The following CSAD variants were observed in gnomAD, a reference collection of about 807,000 sequenced individuals.
The protein encoded by CSAD is cysteine sulfinic acid decarboxylase.
In CSAD, 47 loss-of-function variants were observed where a neutral mutation model predicts 61.5. The ratio of observed to expected loss-of-function variants is 0.76; its 90% CI spans 0.60 to 0.97. The LOEUF (loss-of-function observed/expected upper bound fraction) is 0.97. Ranked by LOEUF, CSAD falls within the 50% of genes least tolerant of loss-of-function variation. The pLI, the probability that CSAD is intolerant of heterozygous loss-of-function variation, is 0.00. For missense variants in CSAD, 611 were observed against 643.6 expected (o/e 0.95, Z 0.55); for synonymous variants, 245 against 252.7 (o/e 0.97, Z 0.29).
chr12:53,180,630 C>G, intron 1 of CSAD, 102 bp downstream of exon 1: 2 of 1,283,704 alleles, frequency 1.6e-6, no homozygotes, highest in Non-Finnish European at 1.0e-6. Flanking sequence ...GCTAGTCTAG[C>G]TGCCGAGCCC....
chr12:53,179,855 C>T, intron 1 of CSAD: 1 of 1,613,242 alleles, frequency 6.2e-7, no homozygotes, highest in Non-Finnish European at 8.5e-7. Flanking sequence ...CAGGACCTCT[C>T]TCTAATGGCT....
intron 2 of CSAD, among the ~76,000 whole-genome samples, chr12:53,175,795 G>A (rs1375681389): frequency 6.6e-6 from 1 of 152,198 alleles, no homozygotes; most frequent in African/African-American, 2.4e-5. Flanking sequence ...GATTTGCAAA[G>A]GGTGTTTTTC....
Position 53,180,925 on chromosome 12 carries a change from G to T in CSAD, c.-284C>A. The T allele has an allele frequency of 9.2e-7, 1 of 1,086,698 alleles. No homozygotes were observed. Among genetic ancestry groups the T allele is most frequent in the Non-Finnish European group, 1.1e-6 (1 of 880,558 alleles). The allele number at this position is 1,086,698 out of a possible 1,614,324, so 67.3% of individuals were successfully genotyped here. On this transcript the variant is annotated 5_prime_UTR_variant, in exon 1 of 17. Coordinates refer to ENST00000444623, the MANE Select transcript of CSAD (RefSeq NM_001244705.2). ...CAAGCCGTGGGGTGCCGCGCGGGAA[G>T]GGGGAGGGGAGGGGAGGAGGGGCGC... is the stretch of plus-strand genomic sequence containing the variant.
In CSAD at chr12:53,170,485, CTGGA is replaced by C; in HGVS notation, c.581_584del (p.Ile194ArgfsTer56). ...CAAGTCCCAGAAACGCAGCTCCCTT[CTGGA>C]TGGAGTAGTGACACTGTGGGGGAAG... On this transcript the variant is annotated frameshift_variant, in exon 9 of 17. Transcript: ENST00000444623. LOFTEE classifies it high-confidence loss of function. 3 of 1,614,084 alleles carry C rather than the reference CTGGA, an allele frequency of 1.9e-6. No homozygotes were observed. The highest frequency in any genetic ancestry group is 2.5e-6 in the Non-Finnish European group (3 of 1,180,002).
intron 3 of CSAD, 51 bp downstream of exon 3, chr12:53,173,677 G>C: frequency 6.8e-7 from 1 of 1,466,300 alleles, no homozygotes; most frequent in Non-Finnish European, 9.5e-7. Flanking sequence ...AGTCAGTGCT[G>C]AGCAAGTGGA....
intron 2 of CSAD, among the ~76,000 whole-genome samples, chr12:53,178,651 C>T (rs1042874541): frequency 2.0e-5 from 3 of 151,974 alleles, no homozygotes; most frequent in African/African-American, 7.3e-5. Context: ...AAAAATTAGC[C>T]GGGCTGGCAG....
chr12:53,165,201 T>A, intron 10 of CSAD, among the ~76,000 whole-genome samples: 1 of 151,908 alleles, frequency 6.6e-6, no homozygotes, highest in Non-Finnish European at 1.5e-5. Flanking sequence ...ATTGGCCAAG[T>A]GTGGCAGCCT....
rs1257889365 is a variant in CSAD, at chr12:53,158,262, A to G, written c.*249T>C. Reference sequence around the variant, plus strand: ...CAAGCAATTCTGCCCCAACCTCCTGAGTAGCTGGGTTTACAGGCACAGGCC... The same window carrying G: ...CAAGCAATTCTGCCCCAACCTCCTGGGTAGCTGGGTTTACAGGCACAGGCC... On this transcript the variant is annotated 3_prime_UTR_variant, in exon 17 of 17. Transcript: ENST00000444623. 1 of 296,946 alleles carries G rather than the reference A, an allele frequency of 3.4e-6. No individual in the cohort carries two copies. Among genetic ancestry groups the G allele is most frequent in the Non-Finnish European group, 6.4e-6 (1 of 156,318 alleles). 18.4% of individuals were successfully genotyped at this position (296,946 alleles called of 1,614,324 possible). A position where few individuals can be genotyped will look rare whatever the true frequency, so the allele number is the denominator to read the frequency against.
chr12:53,180,231 TCTGGG>T (rs1941465133), intron 1 of CSAD: 1 of 985,240 alleles, frequency 1.0e-6, no homozygotes. Context: ...AATCTGCTAA[TCTGGG>T]CCTGACGGAA....
intron 1 of CSAD, chr12:53,179,698 C>CT (rs1290341724): frequency 2.7e-5 from 34 of 1,251,480 alleles, no homozygotes; most frequent in East Asian, 7.0e-5. Context: ...GAATCCTTGT[C>CT]TTTTTTTCAT....
At chr12:53,179,940 C>T in intron 1 of CSAD, 1 of 1,581,806 alleles carries the variant, frequency 6.3e-7, no homozygotes, top group Non-Finnish European at 8.6e-7. Context: ...AGCCAGGACT[C>T]CCATAAGACT....
upstream of CSAD, chr12:53,181,030 C>G: frequency 1.2e-6 from 1 of 868,646 alleles, no homozygotes. Flanking sequence ...CGCGTCCCGC[C>G]GCGTCCCCGG....
intron 13 of CSAD, 100 bp downstream of exon 13, chr12:53,160,663 A>C: frequency 9.6e-7 from 1 of 1,041,974 alleles, no homozygotes; most frequent in Non-Finnish European, 1.4e-6. Context: ...AAGGGATGGT[A>C]AAGAGAATAG....
intron 10 of CSAD, chr12:53,164,453 C>A: frequency 5.6e-6 from 1 of 179,132 alleles, no homozygotes; most frequent in Admixed American, 5.5e-5. Flanking sequence ...CAGCTGGAGG[C>A]CAGTATCCTA....
At chr12:53,174,758 C>T (rs1171187142) in intron 2 of CSAD, among the ~76,000 whole-genome samples, 1 of 152,272 alleles carries the variant, frequency 6.6e-6, no homozygotes, top group South Asian at 2.1e-4. Context: ...TACCACTGCA[C>T]TCCAGCCTGG....
Position 53,180,132 on chromosome 12 carries a change from G to T in CSAD, c.-91+600C>A, listed in dbSNP as rs554038317. 15 of 1,278,600 alleles carry T rather than the reference G, an allele frequency of 1.2e-5. No homozygotes were observed. In the South Asian group the frequency reaches 2.8e-4, roughly 24 times the overall value. 79.2% of individuals were successfully genotyped at this position (1,278,600 alleles called of 1,614,324 possible). On this transcript the variant is annotated intron_variant, in intron 1 of 16. Transcript: ENST00000444623. The stretch of plus-strand genomic sequence containing the variant: ...GCAGTGTGGCCAAGGGCTACTCAAG[G>T]AACGCCTCTGCGAGAATTCAGACTG...
At chr12:53,173,887 A>G (rs1478304293) in intron 2 of CSAD, 117 bp from the exon 3 acceptor site, 6 of 1,024,614 alleles carry the variant, frequency 5.9e-6, no homozygotes, top group Non-Finnish European at 8.7e-6. Context: ...ACGCCAGAAC[A>G]TTTTCATCAC....
rs1941391408 is a variant in CSAD at position 53,179,549 on chromosome 12, G to A, written c.-90-407C>T. ...AAGATTTAAAAGACTTATTCCTGGT[G>A]ATGTTTCTTTATCTCTCTCTTTCTC... On this transcript the variant is annotated intron_variant, in intron 1 of 16. Coordinates refer to ENST00000444623, the MANE Select transcript of CSAD (RefSeq NM_001244705.2). The A allele has an allele frequency of 1.8e-5, 9 of 506,992 alleles. No homozygotes were observed. In the South Asian group the frequency reaches 2.4e-4, roughly 13 times the overall value. The allele number at this position is 506,992 out of a possible 1,614,324, so 31.4% of individuals were successfully genotyped here.
At chr12:53,180,591 C>G in intron 1 of CSAD, 141 bp downstream of exon 1, 1 of 1,285,268 alleles carries the variant, frequency 7.8e-7, no homozygotes, top group Non-Finnish European at 1.0e-6. Context: ...CCGTGCGTCC[C>G]CAAGCTCACC....
Sources: allele counts gnomAD v4.1 joint callset (sites outside exome capture counted in the v4.1 genomes callset), GRCh38; gene constraint gnomAD v4.1.1; transcripts MANE v1.5; gene names NCBI Gene and HGNC (gene_info 2026-07-23, HGNC 2026-07-21).